Variants in IGFBP7 observed in about 807,000 individuals in gnomAD.
IGFBP7 encodes the protein insulin-like growth factor-binding protein 7.
A neutral mutation model predicts 29.4 loss-of-function variants in IGFBP7; 31 were observed. The observed-to-expected ratio is 1.05, with a 90% CI of 0.79 to 1.42. The LOEUF is 1.42. Ranked by LOEUF, IGFBP7 falls within the 40% of genes most tolerant of loss-of-function variation. The pLI, the probability that IGFBP7 is intolerant of heterozygous loss-of-function variation, is 0.00. For synonymous variants in IGFBP7, 172 were observed against 174.9 expected (o/e 0.98, Z 0.13); for missense variants, 393 against 395.5 (o/e 0.99, Z 0.05).
intron 1 of IGFBP7, among the ~76,000 whole-genome samples, chr4:57,057,634 A>G (rs1351658470): frequency 6.6e-6 from 1 of 152,166 alleles, no homozygotes; most frequent in African/African-American, 2.4e-5. Flanking sequence ...GCTGCTGTTT[A>G]TGCCTCCCTC....
intron 2 of IGFBP7, among the ~76,000 whole-genome samples, chr4:57,040,121 A>G (rs1724185302): frequency 6.6e-6 from 1 of 151,926 alleles, no homozygotes; most frequent in South Asian, 2.1e-4. Flanking sequence ...TCTGTCCCTA[A>G]CTTATGGTTC....
intron 1 of IGFBP7, among the ~76,000 whole-genome samples, chr4:57,068,713 A>G (rs973468098): frequency 3.3e-5 from 5 of 152,236 alleles, no homozygotes; most frequent in Non-Finnish European, 7.3e-5. Flanking sequence ...ACTGCCAAGC[A>G]GTAAACCAAG....
At chr4:57,051,969 G>A (rs900127436) in intron 1 of IGFBP7, among the ~76,000 whole-genome samples, 14 of 152,172 alleles carry the variant, frequency 9.2e-5, no homozygotes, top group Admixed American at 6.5e-5. Context: ...TAGTGAGCAT[G>A]CGGGCCAGCT....
intron 1 of IGFBP7, among the ~76,000 whole-genome samples, chr4:57,092,448 A>AT (rs1318621392): frequency 6.6e-6 from 1 of 152,176 alleles, no homozygotes; most frequent in East Asian, 1.9e-4. Flanking sequence ...GTAACTGCAA[A>AT]TTTTATAAAT....
chr4:57,049,841 T>C (rs978843792), intron 1 of IGFBP7, among the ~76,000 whole-genome samples: 1 of 152,158 alleles, frequency 6.6e-6, no homozygotes, highest in Non-Finnish European at 1.5e-5. Flanking sequence ...AGCAGTAACT[T>C]CAGAACAACA....
Position 57,040,953 on chromosome 4 carries a change from G to A in IGFBP7, c.476-20C>T, listed in dbSNP as rs374185217. 4 of 1,511,002 alleles carry A rather than the reference G, an allele frequency of 2.6e-6. No individual in the cohort carries two copies. 93.6% of individuals were successfully genotyped at this position (1,511,002 alleles called of 1,614,324 possible). A position where few individuals can be genotyped will look rare whatever the true frequency, so the allele number is the denominator to read the frequency against. On this transcript the variant is annotated intron_variant, in intron 1 of 4. Coordinates refer to ENST00000295666, the MANE Select transcript of IGFBP7 (RefSeq NM_001553.3). Reference sequence around the variant, plus strand: ...AAGGACCTGCAGGAGAGGGCACAAAGCCAAAGTCATCTTTTAAACAGTCCT... The same window carrying A: ...AAGGACCTGCAGGAGAGGGCACAAAACCAAAGTCATCTTTTAAACAGTCCT...
intron 1 of IGFBP7, among the ~76,000 whole-genome samples, chr4:57,060,409 T>G (rs1446725360): frequency 1.3e-5 from 2 of 152,200 alleles, no homozygotes. Flanking sequence ...CTTAATCTAA[T>G]TTTAACTATG....
chr4:57,043,476 C>T (rs1440001032), intron 1 of IGFBP7, among the ~76,000 whole-genome samples: 2 of 152,168 alleles, frequency 1.3e-5, no homozygotes, highest in African/African-American at 4.8e-5. Flanking sequence ...CATAAAGTCT[C>T]CCCTTCTGCA....
At chr4:57,075,503 T>C (rs1442469084) in intron 1 of IGFBP7, among the ~76,000 whole-genome samples, 2 of 152,274 alleles carry the variant, frequency 1.3e-5, no homozygotes, top group East Asian at 1.9e-4. Flanking sequence ...TCCTCCAAGC[T>C]TGGGGAGGTT....
chr4:57,094,423 C>T (rs773224149), intron 1 of IGFBP7, among the ~76,000 whole-genome samples: 2 of 152,046 alleles, frequency 1.3e-5, no homozygotes, highest in African/African-American at 2.4e-5. Context: ...GTAAGGGCCA[C>T]GTGGGATGCT....
chr4:57,068,069 G>A (rs75896879), intron 1 of IGFBP7, among the ~76,000 whole-genome samples: 11,669 of 152,120 alleles, frequency 0.077, 556 homozygotes, highest in African/African-American at 0.13. Flanking sequence ...GGCTCATGCC[G>A]TAGTCACAGC....
At chr4:57,041,819 G>GCCTCCCCAACTCC (rs1724233289) in intron 1 of IGFBP7, among the ~76,000 whole-genome samples, 1 of 152,142 alleles carries the variant, frequency 6.6e-6, no homozygotes, top group Non-Finnish European at 1.5e-5. Flanking sequence ...GATTACAGGT[G>GCCTCCCCAACTCC]TGAGCCACCA....
chr4:57,090,756 G>A (rs1322640127), intron 1 of IGFBP7, among the ~76,000 whole-genome samples: 1 of 152,104 alleles, frequency 6.6e-6, no homozygotes, highest in East Asian at 1.9e-4. Context: ...GCTGAGGTGG[G>A]ACAATTGCTT....
At chr4:57,067,176 A>C (rs1724939442) in intron 1 of IGFBP7, among the ~76,000 whole-genome samples, 1 of 152,174 alleles carries the variant, frequency 6.6e-6, no homozygotes, top group Non-Finnish European at 1.5e-5. Context: ...TGTTCTTAAC[A>C]TGTTCTTTGT....
intron 1 of IGFBP7, among the ~76,000 whole-genome samples, chr4:57,109,403 C>A (rs1188403635): frequency 6.6e-6 from 1 of 152,100 alleles, no homozygotes; most frequent in Non-Finnish European, 1.5e-5. Flanking sequence ...TGCCCTCCAC[C>A]CTGGGCGACA....
chr4:57,079,447 A>G (rs1725309494), intron 1 of IGFBP7, among the ~76,000 whole-genome samples: 1 of 152,208 alleles, frequency 6.6e-6, no homozygotes, highest in South Asian at 2.1e-4. Context: ...TGTGTTACAC[A>G]TTAACACGGT....
At chr4:57,101,669 A>T (rs923749738) in intron 1 of IGFBP7, among the ~76,000 whole-genome samples, 5 of 152,212 alleles carry the variant, frequency 3.3e-5, no homozygotes, top group Admixed American at 1.3e-4. Context: ...AGTAAAAAAA[A>T]TAAATAAGTA....
intron 1 of IGFBP7, among the ~76,000 whole-genome samples, chr4:57,055,567 T>G (rs1197923701): frequency 2.6e-5 from 4 of 152,066 alleles, no homozygotes; most frequent in Non-Finnish European, 2.9e-5. Context: ...GTGGGCTGGT[T>G]CTGGGTGAAG....
Position 57,040,822 on chromosome 4 carries a change from A to C in IGFBP7, c.585+2T>G. ...ATGTCTCTTAAAGTCTGTGCCACAGACCTTGTTCCAGATGAGGACAGGTGT... is the reference window on the plus strand; with the variant it reads ...ATGTCTCTTAAAGTCTGTGCCACAGCCCTTGTTCCAGATGAGGACAGGTGT... On this transcript the variant is annotated splice_donor_variant, in intron 2 of 4. Transcript: ENST00000295666. LOFTEE classifies it high-confidence loss of function. The C allele has an allele frequency of 1.3e-6, 2 of 1,598,268 alleles. No individual in the cohort carries two copies. Among genetic ancestry groups the C allele is most frequent in the Non-Finnish European group, 1.7e-6 (2 of 1,165,594 alleles).
Sources: allele counts gnomAD v4.1 joint callset (sites outside exome capture counted in the v4.1 genomes callset), GRCh38; gene constraint gnomAD v4.1.1; transcripts MANE v1.5; gene names NCBI Gene and HGNC (gene_info 2026-07-23, HGNC 2026-07-21).